The following CYP4F11 variants were observed in gnomAD, a reference collection of about 807,000 sequenced individuals.
CYP4F11 encodes cytochrome P450 family 4 subfamily F member 11.
CYP4F11 carries 79 observed loss-of-function variants against 62.2 expected under a neutral mutation model. That is an observed-to-expected ratio of 1.27 (90% confidence interval 1.06 to 1.53). CYP4F11 has a LOEUF of 1.53. Ranked by LOEUF, CYP4F11 falls within the 40% of genes most tolerant of loss-of-function variation. The probability of loss-of-function intolerance (pLI) is 0.00; values close to 1 mark genes in which losing one functional copy is unlikely to be tolerated. For missense variants in CYP4F11, 777 were observed against 680.5 expected, an observed-to-expected ratio of 1.14 and a Z score of -1.58; for synonymous variants, 290 against 263.7, an observed-to-expected ratio of 1.10 and a Z score of -0.97.
intron 6 of CYP4F11, among the ~76,000 whole-genome samples, chr19:15,922,928 G>A (rs1415963611): frequency 6.6e-6 from 1 of 152,100 alleles, no homozygotes; most frequent in Non-Finnish European, 1.5e-5. Flanking sequence ...TTGCATGCCT[G>A]TAATCCCAGC....
intron 8 of CYP4F11, among the ~76,000 whole-genome samples, chr19:15,921,060 CT>C (rs2089623659): frequency 3.4e-4 from 1 of 2,938 alleles, no homozygotes; most frequent in South Asian, 0.014. Flanking sequence ...TTCTGTCTCT[CT>C]CTCTCTCTCT....
At chr19:15,927,519 G>A in intron 2 of CYP4F11, 36 bp from the exon 3 acceptor site, 4 of 1,612,346 alleles carry the variant, frequency 2.5e-6, no homozygotes, top group African/African-American at 1.3e-5. Flanking sequence ...GCCATGGAGA[G>A]GGGTGAGAGA....
intron 5 of CYP4F11, among the ~76,000 whole-genome samples, chr19:15,924,379 C>T (rs908584652): frequency 6.6e-6 from 1 of 152,206 alleles, no homozygotes; most frequent in African/African-American, 2.4e-5. Context: ...TCTTCCAGCT[C>T]TTTCTGACCC....
In CYP4F11 at chr19:15,923,796, T is replaced by A; in HGVS notation, c.918+16A>T. On this transcript the variant is annotated intron_variant, in intron 6 of 11. Coordinates refer to ENST00000402119, the MANE Select transcript of CYP4F11 (RefSeq NM_021187.4). ...CTCCACTCTATTACTTGAATTCACA[T>A]CCCAGAGAAGCCTACCTTGCTCAGC... 6.2e-7 allele frequency: 1 copy of A among 1,606,036 alleles called. No homozygotes were observed. The highest frequency in any genetic ancestry group is 1.1e-5 in the South Asian group (1 of 90,726).
At chr19:15,930,495 G>A (rs1228305696) in intron 1 of CYP4F11, among the ~76,000 whole-genome samples, 1 of 152,168 alleles carries the variant, frequency 6.6e-6, no homozygotes, top group African/African-American at 2.4e-5. Context: ...AGGAGGCTGA[G>A]GCAGGAGAAT....
chr19:15,933,841 T>C lies in CYP4F11; in HGVS notation c.198+370A>G, dbSNP rs149104322. 2.0e-4 allele frequency among the ~76,000 whole-genome samples: 7 copies of C among 35,774 alleles called. 1 individual carries two copies. The highest frequency in any genetic ancestry group is 1.5e-3 in the South Asian group (1 of 666). The allele number at this position is 35,774 out of a possible 152,430, so 23.5% of individuals were successfully genotyped here. On this transcript the variant is annotated intron_variant, in intron 1 of 11. Coordinates refer to ENST00000402119, the MANE Select transcript of CYP4F11 (RefSeq NM_021187.4). ...GTGAGTGAGGAGAAGAATGAGTGAG[T>C]GAGGAGAGGAATGAGTGAGTGAGCA...
chr19:15,927,204 G>A lies in CYP4F11; in HGVS notation c.525+8C>T. ...CTCCAGCTGGGACCCAGAGTTCAAG[G>A]GACTCACGTGCATGATGTTCACACT... is the stretch of plus-strand genomic sequence containing the variant. On this transcript the variant is annotated splice_region_variant and intron_variant, in intron 4 of 11. Transcript: ENST00000402119. 1 of 1,613,028 alleles carries A rather than the reference G, an allele frequency of 6.2e-7. No individual in the cohort carries two copies. The highest frequency in any genetic ancestry group is 2.2e-5 in the East Asian group (1 of 44,874).
chr19:15,915,895 G>A (rs1371685911), intron 8 of CYP4F11, among the ~76,000 whole-genome samples: 1 of 151,522 alleles, frequency 6.6e-6, no homozygotes, highest in Non-Finnish European at 1.5e-5. Flanking sequence ...TCTGGAAAAA[G>A]ATAAAAGATA....
intron 1 of CYP4F11, among the ~76,000 whole-genome samples, chr19:15,930,059 C>A (rs1187528231): frequency 6.7e-6 from 1 of 149,874 alleles, no homozygotes; most frequent in African/African-American, 2.4e-5. Context: ...CTCTCACGCT[C>A]TCTCTCTCTC....
intron 2 of CYP4F11, among the ~76,000 whole-genome samples, chr19:15,928,729 A>G (rs2145054502): frequency 6.6e-6 from 1 of 152,320 alleles, no homozygotes; most frequent in East Asian, 1.9e-4. Flanking sequence ...TGGCCTGTTC[A>G]AGCACAGGAT....
At chr19:15,917,482 A>G (rs1364487195) in intron 8 of CYP4F11, among the ~76,000 whole-genome samples, 1 of 152,172 alleles carries the variant, frequency 6.6e-6, no homozygotes, top group Non-Finnish European at 1.5e-5. Flanking sequence ...GCAAAGCTGC[A>G]AGAACAGAAA....
intron 8 of CYP4F11, among the ~76,000 whole-genome samples, chr19:15,917,354 C>T (rs2145038926): frequency 6.6e-6 from 1 of 152,122 alleles, no homozygotes; most frequent in South Asian, 2.1e-4. Context: ...TGCACTCATC[C>T]ATGTAACCAA....
Position 15,934,520 on chromosome 19 carries a change from G to C in CYP4F11, c.-112C>G. 1 of 1,302,288 alleles carries C rather than the reference G, an allele frequency of 7.7e-7. No individual in the cohort carries two copies. The highest frequency in any genetic ancestry group is 1.0e-6 in the Non-Finnish European group (1 of 963,390). The allele number at this position is 1,302,288 out of a possible 1,614,324, so 80.7% of individuals were successfully genotyped here. On this transcript the variant is annotated 5_prime_UTR_variant, in exon 1 of 12. Transcript: ENST00000402119. The stretch of plus-strand genomic sequence containing the variant: ...ATGGGCAGTGCTGGAGGCAGATCAG[G>C]GAAGGCTCTGAGATGGGTAAACAAG...
At chr19:15,920,457 T>C (rs2089617075) in intron 8 of CYP4F11, among the ~76,000 whole-genome samples, 1 of 152,196 alleles carries the variant, frequency 6.6e-6, no homozygotes, top group South Asian at 2.1e-4. Flanking sequence ...GGAAGCTCAT[T>C]TTTTATCAAA....
In CYP4F11 at chr19:15,923,906, C is replaced by T. The variant is rs150621723; in HGVS notation, c.824G>A (p.Arg275His). The stretch of plus-strand genomic sequence containing the variant: ...AATACCCTGAGTGGGGAGGGTGCAG[C>T]GCCGCTCCTGGATGACGGCATCTGT... Reference protein sequence around the residue: ...DFTDAVIQERRCTLPTQGIDD... With the variant: ...DFTDAVIQERHCTLPTQGIDD... The change falls in exon 6 of 12, where the codon CGC becomes CAC. Residue 275 changes from arginine (R) to histidine (H), a missense_variant. Coordinates refer to ENST00000402119, the MANE Select transcript of CYP4F11 (RefSeq NM_021187.4). 7.8e-5 allele frequency: 126 copies of T among 1,614,156 alleles called. No individual in the cohort carries two copies. The Middle Eastern group carries it at 9.9e-4, about 13-fold the overall frequency.
intron 8 of CYP4F11, among the ~76,000 whole-genome samples, chr19:15,918,778 C>T (rs2089600669): frequency 6.6e-6 from 1 of 152,100 alleles, no homozygotes; most frequent in Non-Finnish European, 1.5e-5. Flanking sequence ...AAGGAGGAAA[C>T]AGGTCACTAG....
chr19:15,912,882 T>C lies in CYP4F11; in HGVS notation c.*850A>G, dbSNP rs1031253947. 3.3e-5 allele frequency: 5 copies of C among 149,570 alleles called. No individual in the cohort carries two copies. The highest frequency in any genetic ancestry group is 7.4e-5 in the Non-Finnish European group (5 of 67,684). 9.3% of individuals were successfully genotyped at this position (149,570 alleles called of 1,614,324 possible). On this transcript the variant is annotated 3_prime_UTR_variant, in exon 12 of 12. Coordinates refer to ENST00000402119, the MANE Select transcript of CYP4F11 (RefSeq NM_021187.4). ...AGATATTAGAATTTTTGCCTTTGAG[T>C]TCCAAAACACAGCCTTTAAAGTCGT...
Position 15,912,979 on chromosome 19 carries a change from C to T in CYP4F11, c.*753G>A, listed in dbSNP as rs1018431718. On this transcript the variant is annotated 3_prime_UTR_variant, in exon 12 of 12. Transcript: ENST00000402119. ...TTTCTGAGACAGGAAATAATAATGG[C>T]TCCATATATTTAGCATTCATTGTGT... 6.6e-6 allele frequency: 1 copy of T among 151,534 alleles called. No homozygotes were observed. Among genetic ancestry groups the T allele is most frequent in the Non-Finnish European group, 1.5e-5 (1 of 67,990 alleles). 9.4% of individuals were successfully genotyped at this position (151,534 alleles called of 1,614,324 possible).
Position 15,914,377 on chromosome 19 carries a change from G to T in CYP4F11, c.1325C>A (p.Pro442His), listed in dbSNP as rs1371921233. 6.2e-7 allele frequency: 1 copy of T among 1,613,998 alleles called. No individual in the cohort carries two copies. The highest frequency in any genetic ancestry group is 1.7e-5 in the Admixed American group (1 of 60,014). The change falls in exon 11 of 12, where the codon CCC becomes CAC. Residue 442 changes from proline to histidine, a missense_variant. Transcript: ENST00000402119. ...TVWPDPEVYD[P>H]FRFDQENIKE... The stretch of plus-strand genomic sequence containing the variant: ...GATGTTCTCTTGGTCGAAACGGAAG[G>T]GGTCGTAGACCTGCAGGTGAGACCA...
Sources: gnomAD v4.1 joint callset for allele counts (sites outside exome capture counted in the v4.1 genomes callset) on GRCh38, gnomAD v4.1.1 for gene constraint, MANE v1.5 for transcripts, NCBI Gene and HGNC (gene_info 2026-07-23, HGNC 2026-07-21) for gene names.